ZNF407: variants seen among roughly 807,000 people sequenced by gnomAD.
ZNF407 encodes zinc finger protein 407.
In ZNF407, 17 loss-of-function variants were observed where a neutral mutation model predicts 131.2. The observed-to-expected ratio is 0.13, with a 90% CI of 0.09 to 0.19. The LOEUF (loss-of-function observed/expected upper bound fraction) is 0.19, where lower values mean the gene tolerates loss of function less well. ZNF407 is among the 10% of genes least tolerant of loss of function. ZNF407 has a pLI of 1.00. For synonymous variants in ZNF407, 1,156 were observed against 1,062.0 expected, an observed-to-expected ratio of 1.09 and a Z score of -1.72; for missense variants, 2,681 against 2,830.6, an observed-to-expected ratio of 0.95 and a Z score of 1.20.
intron 1 of ZNF407, among the ~76,000 whole-genome samples, chr18:74,625,369 C>T (rs1179088368): frequency 1.3e-5 from 2 of 151,524 alleles, no homozygotes; most frequent in African/African-American, 2.4e-5. Context: ...TGTGTATGTG[C>T]GTACGTATGT....
At chr18:74,629,243 C>T (rs1983939004) in intron 1 of ZNF407, among the ~76,000 whole-genome samples, 1 of 152,106 alleles carries the variant, frequency 6.6e-6, no homozygotes, top group African/African-American at 2.4e-5. Context: ...TTGAGTATAG[C>T]TATCTTAGTG....
At chr18:74,750,012 T>A (rs985002895) in intron 3 of ZNF407, among the ~76,000 whole-genome samples, 10 of 152,196 alleles carry the variant, frequency 6.6e-5, no homozygotes, top group African/African-American at 2.4e-4. Context: ...GTCACAGTTT[T>A]GTCCATGAAA....
chr18:74,868,799 C>T (rs1312397738), intron 4 of ZNF407, among the ~76,000 whole-genome samples: 1 of 152,136 alleles, frequency 6.6e-6, no homozygotes, highest in Non-Finnish European at 1.5e-5. Flanking sequence ...TTCTGAACAG[C>T]TTTTAGAGCT....
rs990818879 is a variant in ZNF407 at position 74,703,223 on chromosome 18, A to C, written c.4802+62101A>C. 1.3e-5 allele frequency among the ~76,000 whole-genome samples: 2 copies of C among 152,234 alleles called. No homozygotes were observed. Among genetic ancestry groups the C allele is most frequent in the Admixed American group, 6.5e-5 (1 of 15,288 alleles). ...TTCATTTCTCACAAGAACCTGCCTCATGTCCCACCCAACTAGATGTGTAAG... is the reference window on the plus strand; with the variant it reads ...TTCATTTCTCACAAGAACCTGCCTCCTGTCCCACCCAACTAGATGTGTAAG... On this transcript the variant is annotated intron_variant, in intron 3 of 8. Coordinates refer to ENST00000299687, the MANE Select transcript of ZNF407 (RefSeq NM_017757.3). The surrounding 1 kb of genome is among the most constrained non-coding windows in gnomAD (Gnocchi z 4.1).
rs374582665 is a variant in ZNF407 at position 74,776,012 on chromosome 18, C to A, written c.4803-5416C>A. On this transcript the variant is annotated intron_variant, in intron 3 of 8. Transcript: ENST00000299687. The stretch of plus-strand genomic sequence containing the variant: ...CCACCAGGCCCCACCTTTAACATTG[C>A]GGATTGCAATTCAGCCTGAGCTTCG... Among the ~76,000 whole-genome samples, 11 of 152,178 alleles carry A rather than the reference C, an allele frequency of 7.2e-5. No individual in the cohort carries two copies. In the East Asian group the frequency reaches 1.7e-3, roughly 24 times the overall value.
At chr18:74,753,456 CA>C (rs1367036414) in intron 3 of ZNF407, among the ~76,000 whole-genome samples, 1 of 152,150 alleles carries the variant, frequency 6.6e-6, no homozygotes, top group East Asian at 1.9e-4. Context: ...GGCATGCTTC[CA>C]GTTTTTGCCC....
chr18:74,763,056 T>G (rs1208112209), intron 3 of ZNF407, among the ~76,000 whole-genome samples: 2 of 152,088 alleles, frequency 1.3e-5, no homozygotes, highest in Non-Finnish European at 2.9e-5. Flanking sequence ...AGTTTTAACT[T>G]TCCTATTTTT....
intron 4 of ZNF407, among the ~76,000 whole-genome samples, chr18:74,824,014 C>G (rs539961247): frequency 6.6e-6 from 1 of 152,318 alleles, no homozygotes; most frequent in East Asian, 1.9e-4. Context: ...CAAACAGTCT[C>G]TCAGACCACA....
chr18:75,039,215 A>G (rs1973344185), intron 8 of ZNF407, among the ~76,000 whole-genome samples: 1 of 152,222 alleles, frequency 6.6e-6, no homozygotes, highest in Non-Finnish European at 1.5e-5. Context: ...GTCTTTTAAA[A>G]TCTACCGCTT....
intron 8 of ZNF407, among the ~76,000 whole-genome samples, chr18:74,943,072 T>G (rs1972117918): frequency 6.6e-6 from 1 of 151,924 alleles, no homozygotes; most frequent in South Asian, 2.1e-4. Flanking sequence ...CATGCCACCA[T>G]GCCTAGCTGA....
chr18:74,755,736 T>TCTTC, intron 3 of ZNF407, among the ~76,000 whole-genome samples: 1 of 104,484 alleles, frequency 9.6e-6, no homozygotes, highest in Non-Finnish European at 1.8e-5. Flanking sequence ...TTCCTTTCTT[T>TCTTC]CTTTCTTTCT....
rs146756950 is a variant in ZNF407, at chr18:74,656,907, A to G, written c.4802+15785A>G. On this transcript the variant is annotated intron_variant, in intron 3 of 8. Coordinates refer to ENST00000299687, the MANE Select transcript of ZNF407 (RefSeq NM_017757.3). ...GAATTTAATAATTTAAGTTTTATGA[A>G]TAAATGCCATTGTTGTTATCCTGTA... Among the ~76,000 whole-genome samples, 24 of 152,340 alleles carry G rather than the reference A, an allele frequency of 1.6e-4. No homozygotes were observed. In the East Asian group the frequency reaches 4.6e-3, roughly 29 times the overall value.
chr18:74,648,930 C>G (rs938302899), intron 3 of ZNF407, among the ~76,000 whole-genome samples: 1 of 152,146 alleles, frequency 6.6e-6, no homozygotes, highest in Non-Finnish European at 1.5e-5. Flanking sequence ...TGTTTCTAAT[C>G]GCTTCCGTGG....
intron 4 of ZNF407, among the ~76,000 whole-genome samples, chr18:74,843,009 C>T (rs1052199297): frequency 6.6e-6 from 1 of 152,136 alleles, no homozygotes; most frequent in Non-Finnish European, 1.5e-5. Flanking sequence ...AGCCACCGTG[C>T]CTGGCCCTTC....
At chr18:74,642,072 G>A (rs1348749707) in intron 3 of ZNF407, among the ~76,000 whole-genome samples, 1 of 151,652 alleles carries the variant, frequency 6.6e-6, no homozygotes, top group East Asian at 1.9e-4. Context: ...ATGTAAATAC[G>A]TTTTATGTCA....
In ZNF407 at chr18:75,064,073, G is replaced by A. The variant is rs768098674; in HGVS notation, c.6352G>A (p.Gly2118Arg). 18 of 1,588,782 alleles carry A rather than the reference G, an allele frequency of 1.1e-5. No homozygotes were observed. The Admixed American group carries it at 1.3e-4, about 11-fold the overall frequency. ...SEEGAVHMVAGEGAQIIMQEA... is the reference protein window; with the variant it reads ...SEEGAVHMVAREGAQIIMQEA... ...AGAGGGTGCCGTCCACATGGTCGCC[G>A]GGGAGGGTGCCCAGATCATCATGCA... The change falls in exon 9 of 9, where the codon GGG becomes AGG. Residue 2118 changes from glycine (G) to arginine (R), a missense_variant. Transcript: ENST00000299687.
intron 3 of ZNF407, among the ~76,000 whole-genome samples, chr18:74,653,474 A>G (rs1457303669): frequency 1.3e-5 from 2 of 151,914 alleles, no homozygotes; most frequent in Non-Finnish European, 3.0e-5. Flanking sequence ...TAATCTCAGT[A>G]TATTATTAAT....
intron 3 of ZNF407, among the ~76,000 whole-genome samples, chr18:74,647,076 A>C (rs1267221503): frequency 2.0e-5 from 3 of 152,106 alleles, no homozygotes; most frequent in African/African-American, 7.2e-5. Context: ...TGAAACAATC[A>C]TGTTCTAGTG....
chr18:75,024,876 T>G (rs1047307636), intron 8 of ZNF407, among the ~76,000 whole-genome samples: 2 of 152,192 alleles, frequency 1.3e-5, no homozygotes, highest in African/African-American at 4.8e-5. Context: ...ACCACTTAGT[T>G]CCCAGCTTTA....
Sources: allele counts gnomAD v4.1 joint callset (sites outside exome capture counted in the v4.1 genomes callset), GRCh38; gene constraint gnomAD v4.1.1; non-coding constraint Gnocchi (gnomAD v3.1); transcripts MANE v1.5; gene names NCBI Gene and HGNC (gene_info 2026-07-23, HGNC 2026-07-21).